The following YLPM1 variants were observed in gnomAD, a reference collection of about 807,000 sequenced individuals.
The protein encoded by YLPM1 is YLP motif-containing protein 1.
A neutral mutation model predicts 230.0 loss-of-function variants in YLPM1; 99 were observed. The observed-to-expected ratio is 0.43, with a 90% CI of 0.37 to 0.51. The LOEUF is 0.51. Among genes scored for constraint, YLPM1 ranks in the 20% least tolerant of loss-of-function variants. YLPM1 has a pLI of 0.00. For synonymous variants in YLPM1, 984 were observed against 942.5 expected, an observed-to-expected ratio of 1.04 and a Z score of -0.81; for missense variants, 2,592 against 2,707.7, an observed-to-expected ratio of 0.96 and a Z score of 0.95.
chr14:74,817,301 AT>A, intron 15 of YLPM1, 24 bp downstream of exon 15: 1 of 1,551,074 alleles, frequency 6.4e-7, no homozygotes. Context: ...ACATAGAATA[AT>A]AGAGTACTAT....
intron 1 of YLPM1, among the ~76,000 whole-genome samples, chr14:74,770,628 T>C (rs201740102): frequency 2.7e-5 from 4 of 150,440 alleles, no homozygotes; most frequent in African/African-American, 7.3e-5. Flanking sequence ...CCATCTCAGT[T>C]AAAAAAAAAG....
chr14:74,783,396 C>G (rs2091114954), intron 4 of YLPM1, among the ~76,000 whole-genome samples: 1 of 152,128 alleles, frequency 6.6e-6, no homozygotes, highest in African/African-American at 2.4e-5. Flanking sequence ...CAGAAAAATA[C>G]TTTAATCAGT....
chr14:74,811,158 A>G (rs909609303), intron 9 of YLPM1, among the ~76,000 whole-genome samples: 3 of 152,104 alleles, frequency 2.0e-5, no homozygotes, highest in Admixed American at 1.3e-4. Flanking sequence ...TATGTATATA[A>G]AGTAAATCTA....
chr14:74,826,832 G>A (rs900909379), intron 18 of YLPM1, among the ~76,000 whole-genome samples: 6 of 152,192 alleles, frequency 3.9e-5, no homozygotes, highest in Non-Finnish European at 7.3e-5. Context: ...ACATCAGGTG[G>A]TGGGATTCAG....
rs762197473 is a variant in YLPM1 at position 74,809,418 on chromosome 14, A to T, written c.4560A>T (p.Lys1520Asn). 6.2e-7 allele frequency: 1 copy of T among 1,608,772 alleles called. No individual in the cohort carries two copies. The highest frequency in any genetic ancestry group is 8.5e-7 in the Non-Finnish European group (1 of 1,177,308). ...GSYRPPPPMG[K>N]PPGSIVRPSA... ...ATAGACCTCCCCCTCCTATGGGCAA[A>T]CCACCAGGTTCAATTGTAAGACCCT... Residue 1520 changes from lysine to asparagine, a missense_variant, in exon 7 of 21, where the codon AAA becomes AAT. This residue lies in a region of YLPM1 where 403 missense variants were observed against 426.7 expected (regional missense o/e 0.94). Transcript: ENST00000325680.
chr14:74,829,404 G>A (rs192856926), intron 19 of YLPM1, 61 bp downstream of exon 19: 115 of 1,601,430 alleles, frequency 7.2e-5, no homozygotes, highest in African/African-American at 1.3e-4. Flanking sequence ...TCTGGTTTTA[G>A]GAAGTTACAG....
At chr14:74,796,015 C>A (rs1566749918) in intron 4 of YLPM1, among the ~76,000 whole-genome samples, 1 of 152,208 alleles carries the variant, frequency 6.6e-6, no homozygotes, top group Non-Finnish European at 1.5e-5. Flanking sequence ...ATGTGCAAAT[C>A]ATTTTCACTC....
intron 4 of YLPM1, among the ~76,000 whole-genome samples, chr14:74,786,247 A>AG (rs1423682912): frequency 5.9e-5 from 9 of 151,672 alleles, no homozygotes; most frequent in African/African-American, 1.9e-4. Context: ...CTGTAGTCCC[A>AG]GCTACTTGGG....
rs1363741179 is a variant in YLPM1, at chr14:74,798,392, G to A, written c.3095G>A (p.Arg1032Gln). ...GGGCAAAGCAGAATGGAAGACACAC[G>A]GGATAAAGGTCTAGTAAACAGAGGT... Reference protein sequence around the residue: ...GPGQSRMEDTRDKGLVNRGRG... With the variant: ...GPGQSRMEDTQDKGLVNRGRG... The change falls in exon 5 of 21, where the codon CGG becomes CAG. Residue 1032 changes from arginine (R) to glutamine (Q), a missense_variant. By Grantham distance (43) the Arg-to-Gln change is conservative. Around this residue, in one of 4 missense-constraint regions of YLPM1, gnomAD observed 1,862 missense variants for 1,819.8 expected, o/e 1.02. Transcript: ENST00000325680. The A allele has an allele frequency of 1.9e-6, 3 of 1,613,998 alleles. No homozygotes were observed. The highest frequency in any genetic ancestry group is 1.3e-5 in the African/African-American group (1 of 75,038).
rs1345603239 is a variant in YLPM1 at position 74,809,444 on chromosome 14, C to T, written c.4586C>T (p.Ser1529Phe). Reference protein sequence around the residue: ...GKPPGSIVRPSAPPARSSVPV... With the variant: ...GKPPGSIVRPFAPPARSSVPV... ...CCACCAGGTTCAATTGTAAGACCCT[C>T]TGCTCCACCAGCAAGATCATCTGTT... Residue 1529 changes from serine to phenylalanine, a missense_variant, in exon 7 of 21, where the codon TCT (serine) becomes TTT (phenylalanine). Physicochemically the swap from Ser to Phe is radical, Grantham distance 155. Transcript: ENST00000325680. 6.2e-7 allele frequency: 1 copy of T among 1,604,176 alleles called. No homozygotes were observed. The highest frequency in any genetic ancestry group is 8.5e-7 in the Non-Finnish European group (1 of 1,174,724).
At chr14:74,765,418 A>T (rs2090902357) in intron 1 of YLPM1, among the ~76,000 whole-genome samples, 1 of 152,236 alleles carries the variant, frequency 6.6e-6, no homozygotes, top group Non-Finnish European at 1.5e-5. Context: ...TAAGAACAGA[A>T]GCAAGTTGTT....
At chr14:74,778,377 C>A in intron 1 of YLPM1, 70 bp from the exon 2 acceptor site, 1 of 1,362,238 alleles carries the variant, frequency 7.3e-7, no homozygotes, top group Non-Finnish European at 1.0e-6. Context: ...AAAGATAGGT[C>A]CTTGTCAACA....
At chr14:74,816,531 C>T (rs948475018) in intron 12 of YLPM1, 40 bp from the exon 13 acceptor site, 1 of 1,573,898 alleles carries the variant, frequency 6.4e-7, no homozygotes, top group Non-Finnish European at 8.6e-7. Flanking sequence ...TAATTTATTC[C>T]ATAAATTCGT....
rs761853390 is a variant in YLPM1, at chr14:74,799,530, T to C, written c.4233T>C (p.Asp1411=). The change falls in exon 5 of 21, where the codon GAT becomes GAC. Residue 1411 remains aspartate (D), a synonymous_variant. Coordinates refer to ENST00000325680, the MANE Select transcript of YLPM1 (RefSeq NM_019589.3). ...LSDRWYPSDV[D]RHSPMAEHMP... ...ACAGATGGTACCCATCTGATGTGGA[T>C]AGACATTCCCCCATGGCGGAACATA... The C allele has an allele frequency of 6.2e-7, 1 of 1,613,924 alleles. No individual in the cohort carries two copies. Among genetic ancestry groups the C allele is most frequent in the South Asian group, 1.1e-5 (1 of 91,066 alleles).
At chr14:74,770,577 A>T (rs1431225497) in intron 1 of YLPM1, among the ~76,000 whole-genome samples, 1 of 151,354 alleles carries the variant, frequency 6.6e-6, no homozygotes, top group African/African-American at 2.4e-5. Flanking sequence ...GTGAGCCAAG[A>T]TTGCCCCACT....
chr14:74,820,191 T>G (rs2091509913), intron 16 of YLPM1, among the ~76,000 whole-genome samples: 1 of 152,226 alleles, frequency 6.6e-6, no homozygotes, highest in Non-Finnish European at 1.5e-5. Flanking sequence ...AGTCTCTGTT[T>G]TAGTAATTAG....
Position 74,797,600 on chromosome 14 carries a change from T to G in YLPM1, c.2303T>G (p.Phe768Cys). Residue 768 changes from phenylalanine to cysteine, a missense_variant, in exon 5 of 21, where the codon TTT (phenylalanine) becomes TGT (cysteine). Coordinates refer to ENST00000325680, the MANE Select transcript of YLPM1 (RefSeq NM_019589.3). Reference protein sequence around the residue: ...RGPRFDGPRRFEDLGSRCEGP... With the variant: ...RGPRFDGPRRCEDLGSRCEGP... ...TGTAGATTTGATGGTCCTCGAAGAT[T>G]TGAGGATTTAGGGTCAAGGTGTGAA... 2 of 1,495,362 alleles carry G rather than the reference T, an allele frequency of 1.3e-6. No homozygotes were observed. Among genetic ancestry groups the G allele is most frequent in the Non-Finnish European group, 1.8e-6 (2 of 1,122,454 alleles). 92.6% of individuals were successfully genotyped at this position (1,495,362 alleles called of 1,614,324 possible). A position where few individuals can be genotyped will look rare whatever the true frequency, so the allele number is the denominator to read the frequency against.
rs1437974312 is a variant in YLPM1, at chr14:74,781,531, C to T, written c.1488C>T (p.Leu496=). The T allele has an allele frequency of 1.9e-6, 3 of 1,613,868 alleles. No homozygotes were observed. The highest frequency in any genetic ancestry group is 2.5e-6 in the Non-Finnish European group (3 of 1,179,908). ...ATATGAAAGCCACTCAGAGCTATCT[C>T]CAGGAGAAAGTCAATTCATTTCAGA... ...QGHMKATQSY[L]QEKVNSFQNM... The change falls in exon 4 of 21, where the codon CTC becomes CTT. Residue 496 remains leucine (L), a synonymous_variant. Transcript: ENST00000325680.
chr14:74,827,874 A>ATCT (rs1183543020), intron 18 of YLPM1: 3 of 985,240 alleles, frequency 3.0e-6, no homozygotes, highest in Non-Finnish European at 3.6e-6. Flanking sequence ...ATACACGTAG[A>ATCT]TAGAGCCATG....
Sources: gnomAD v4.1 joint callset for allele counts (sites outside exome capture counted in the v4.1 genomes callset) on GRCh38, gnomAD v4.1.1 for gene constraint, gnomAD v4.1.1 regional missense constraint, MANE v1.5 for transcripts, NCBI Gene and HGNC (gene_info 2026-07-23, HGNC 2026-07-21) for gene names.